Variants in GRAMD1B observed in about 807,000 individuals in gnomAD.
GRAMD1B encodes the protein GRAM domain containing 1B.
Under a neutral mutation model 99.7 loss-of-function variants are expected in GRAMD1B, and 37 were observed. The observed-to-expected ratio is 0.37, with a 90% CI of 0.29 to 0.49. GRAMD1B has a LOEUF of 0.49. Among genes scored for constraint, GRAMD1B ranks in the 20% least tolerant of loss-of-function variants. GRAMD1B has a pLI of 0.98. For synonymous variants in GRAMD1B, 427 were observed against 387.6 expected, an observed-to-expected ratio of 1.10 and a Z score of -1.19; for missense variants, 888 against 1,009.2, an observed-to-expected ratio of 0.88 and a Z score of 1.63.
At chr11:123,622,380 G>A (rs1226028032) in intron 19 of GRAMD1B, 126 bp from the exon 20 acceptor site, 6 of 641,146 alleles carry the variant, frequency 9.4e-6, no homozygotes, top group South Asian at 4.8e-5. Flanking sequence ...TTAGGTGCCC[G>A]ACTCTTTTCA....
intron 4 of GRAMD1B, among the ~76,000 whole-genome samples, chr11:123,592,732 G>A (rs1236993050): frequency 2.6e-5 from 4 of 152,018 alleles, no homozygotes; most frequent in African/African-American, 7.3e-5. Flanking sequence ...GTAGCCATTG[G>A]CTACACCCTA....
intron 2 of GRAMD1B, among the ~76,000 whole-genome samples, chr11:123,575,818 C>T (rs774557736): frequency 1.3e-5 from 2 of 152,076 alleles, no homozygotes; most frequent in Admixed American, 6.5e-5. Flanking sequence ...GGGGCAAAAA[C>T]GGGAAGAGCC....
chr11:123,510,483 T>C lies in GRAMD1B; in HGVS notation c.452+29590T>C, dbSNP rs886194117. Among the ~76,000 whole-genome samples, 9 of 152,144 alleles carry C rather than the reference T, an allele frequency of 5.9e-5. No individual in the cohort carries two copies. The highest frequency in any genetic ancestry group is 3.9e-4 in the Admixed American group (6 of 15,282). On this transcript the variant is annotated intron_variant, in intron 2 of 19. Transcript: ENST00000635736. The surrounding 1 kb of genome is among the most constrained non-coding windows in gnomAD (Gnocchi z 4.3). The stretch of plus-strand genomic sequence containing the variant: ...GGAGACAGGGCCCCCCTGCTTGCTG[T>C]GGACCTCCAGACTCTGACCTCTTAC...
intron 1 of GRAMD1B, among the ~76,000 whole-genome samples, chr11:123,401,287 C>T (rs892697309): frequency 2.0e-5 from 3 of 152,204 alleles, no homozygotes; most frequent in South Asian, 2.1e-4. Flanking sequence ...GTAAGAAGAG[C>T]GGAGGGTATT....
Position 123,609,886 on chromosome 11 carries a change from C to A in GRAMD1B, c.1749C>A (p.Pro583=), listed in dbSNP as rs768038301. The A allele has an allele frequency of 6.3e-7, 1 of 1,591,088 alleles. No homozygotes were observed. The highest frequency in any genetic ancestry group is 2.3e-5 in the East Asian group (1 of 44,148). The change falls in exon 13 of 20, where the codon CCC becomes CCA. Residue 583 remains proline, a synonymous_variant. Coordinates refer to ENST00000635736, the MANE Select transcript of GRAMD1B (RefSeq NM_001387025.1). ...TCACCCTTACCAACCCTCTGGCTCCCAAAACTGCCACTGTCAGGGAGACAC... is the reference window on the plus strand; with the variant it reads ...TCACCCTTACCAACCCTCTGGCTCCAAAAACTGCCACTGTCAGGGAGACAC... ...YTITLTNPLA[P]KTATVRETQT...
chr11:123,425,211 T>G (rs1948604931), intron 1 of GRAMD1B, among the ~76,000 whole-genome samples: 2 of 152,234 alleles, frequency 1.3e-5, no homozygotes, highest in Non-Finnish European at 2.9e-5. Context: ...GGCTTGATTT[T>G]GGGTCTGCAC....
At chr11:123,598,713 G>C in intron 7 of GRAMD1B, 1 of 932,762 alleles carries the variant, frequency 1.1e-6, no homozygotes. Context: ...GGAGAATGCA[G>C]AGAGGTCAAG....
chr11:123,388,681 T>A (rs1947160727), intron 1 of GRAMD1B, among the ~76,000 whole-genome samples: 1 of 149,564 alleles, frequency 6.7e-6, no homozygotes, highest in East Asian at 2.0e-4. Flanking sequence ...AGACCCTGTT[T>A]CAAACAAACA....
chr11:123,435,595 C>A, intron 1 of GRAMD1B: 1 of 617,202 alleles, frequency 1.6e-6, no homozygotes, highest in Admixed American at 2.7e-5. Context: ...CAAGACCAAT[C>A]ATGTTCATCT....
At chr11:123,575,539 G>A (rs887876314) in intron 2 of GRAMD1B, among the ~76,000 whole-genome samples, 7 of 152,224 alleles carry the variant, frequency 4.6e-5, no homozygotes, top group East Asian at 3.9e-4. Context: ...AGAGGTCCTC[G>A]TTGTTCTAGT....
chr11:123,580,668 G>C (rs753854749), intron 3 of GRAMD1B, among the ~76,000 whole-genome samples: 7 of 152,162 alleles, frequency 4.6e-5, no homozygotes, highest in African/African-American at 7.2e-5. Context: ...GGTGCAGTCC[G>C]GCCCCAGCAC....
At chr11:123,536,935 A>G (rs1212427560) in intron 2 of GRAMD1B, among the ~76,000 whole-genome samples, 1 of 152,164 alleles carries the variant, frequency 6.6e-6, no homozygotes. Context: ...CTCTAAGATG[A>G]TGGGCAGGAT....
chr11:123,561,114 C>T lies in GRAMD1B; in HGVS notation c.453-16253C>T, dbSNP rs149102291. ...AGGCTGGGTTGAGGGTGATGATGGT[C>T]TCCTTGTCCAGCAAGACTTAATTCA... On this transcript the variant is annotated intron_variant, in intron 2 of 19. Coordinates refer to ENST00000635736, the MANE Select transcript of GRAMD1B (RefSeq NM_001387025.1). Among the ~76,000 whole-genome samples, 24 of 152,196 alleles carry T rather than the reference C, an allele frequency of 1.6e-4. No homozygotes were observed. The East Asian group carries it at 4.5e-3, about 28-fold the overall frequency.
intron 1 of GRAMD1B, among the ~76,000 whole-genome samples, chr11:123,402,345 T>C (rs918127253): frequency 2.0e-5 from 3 of 152,186 alleles, no homozygotes; most frequent in African/African-American, 7.2e-5. Flanking sequence ...TTCTGCTTTC[T>C]GGTTTATGTC....
intron 19 of GRAMD1B, among the ~76,000 whole-genome samples, chr11:123,620,015 A>G (rs1308534072): frequency 6.6e-6 from 1 of 152,200 alleles, no homozygotes; most frequent in Non-Finnish European, 1.5e-5. Flanking sequence ...TTTGCCACTA[A>G]TTTTGTGACC....
intron 4 of GRAMD1B, 49 bp from the exon 5 acceptor site, chr11:123,594,032 AC>A: frequency 7.9e-7 from 1 of 1,268,244 alleles, no homozygotes; most frequent in Middle Eastern, 1.9e-4. Context: ...TTCCTTCCTA[AC>A]CCCACAGAAC....
intron 2 of GRAMD1B, among the ~76,000 whole-genome samples, chr11:123,556,980 T>C (rs1407443020): frequency 6.6e-6 from 1 of 152,214 alleles, no homozygotes. Context: ...TCACACGCAA[T>C]GTAATCGTTC....
intron 2 of GRAMD1B, among the ~76,000 whole-genome samples, chr11:123,519,144 AC>A (rs1159125936): frequency 6.6e-6 from 1 of 152,190 alleles, no homozygotes; most frequent in East Asian, 1.9e-4. Context: ...GCATAAGGGT[AC>A]CAAGGACAGG....
chr11:123,431,793 GT>G (rs1189030861), intron 1 of GRAMD1B, among the ~76,000 whole-genome samples: 6 of 152,188 alleles, frequency 3.9e-5, no homozygotes, highest in Admixed American at 3.3e-4. Context: ...GTACCAGCTA[GT>G]TTTTTGCCTA....
Sources: allele counts gnomAD v4.1 joint callset (sites outside exome capture counted in the v4.1 genomes callset), GRCh38; gene constraint gnomAD v4.1.1; non-coding constraint Gnocchi (gnomAD v3.1); transcripts MANE v1.5; gene names NCBI Gene and HGNC (gene_info 2026-07-23, HGNC 2026-07-21).